The following MFAP3 variants were observed in gnomAD, a reference collection of about 807,000 sequenced individuals.
The protein encoded by MFAP3 is microfibril-associated glycoprotein 3.
MFAP3 carries 8 observed loss-of-function variants against 20.5 expected under a neutral mutation model. That is an observed-to-expected ratio of 0.39 (90% CI 0.23 to 0.70). The LOEUF (loss-of-function observed/expected upper bound fraction) is 0.70, where lower values mean the gene tolerates loss of function less well. Among genes scored for constraint, MFAP3 ranks in the 30% least tolerant of loss-of-function variants. The pLI, the probability that MFAP3 is intolerant of heterozygous loss-of-function variation, is 0.44. For missense variants in MFAP3, 398 were observed against 444.6 expected, an observed-to-expected ratio of 0.90 and a Z score of 0.94; for synonymous variants, 140 against 154.0, an observed-to-expected ratio of 0.91 and a Z score of 0.67.
rs1773244215 is a variant in MFAP3 at position 154,053,280 on chromosome 5, A to G, written c.656A>G (p.Lys219Arg). 6.2e-7 allele frequency: 1 copy of G among 1,613,918 alleles called. No individual in the cohort carries two copies. Among genetic ancestry groups the G allele is most frequent in the Admixed American group, 1.7e-5 (1 of 59,972 alleles). Reference protein sequence around the residue: ...ITSAKTLELAKVTQFKTMEFA... With the variant: ...ITSAKTLELARVTQFKTMEFA... ...TCAGCCAAAACTCTGGAGCTCGCCA[A>G]AGTCACACAATTTAAGACCATGGAG... Residue 219 changes from lysine (K) to arginine (R), a missense_variant, in exon 3 of 3, where the codon AAA (lysine) becomes AGA (arginine). By Grantham distance (26) the Lys-to-Arg change is conservative. Coordinates refer to ENST00000522782, the MANE Select transcript of MFAP3 (RefSeq NM_005927.5).
At position 154,053,979 on chromosome 5, in the gene MFAP3, G is replaced by A. The variant is rs902666106; in HGVS notation, c.*266G>A. ...CCCCAGATAAACATGATGGGGAAAA[G>A]CACTGAACTAAGAGTCCCATGGTTT... On this transcript the variant is annotated 3_prime_UTR_variant, in exon 3 of 3. Transcript: ENST00000522782. The A allele has an allele frequency of 3.9e-5, 15 of 384,944 alleles. No individual in the cohort carries two copies. The highest frequency in any genetic ancestry group is 1.3e-4 in the Admixed American group (3 of 23,556). 23.8% of individuals were successfully genotyped at this position (384,944 alleles called of 1,614,324 possible).
chr5:154,050,532 T>C (rs1773163419), intron 2 of MFAP3, among the ~76,000 whole-genome samples: 1 of 151,470 alleles, frequency 6.6e-6, no homozygotes, highest in Admixed American at 6.6e-5. Flanking sequence ...AAAATGAGTA[T>C]CAATCTGTGC....
At chr5:154,040,439 A>G (rs1237657607) in intron 1 of MFAP3, among the ~76,000 whole-genome samples, 4 of 152,244 alleles carry the variant, frequency 2.6e-5, no homozygotes, top group Non-Finnish European at 5.9e-5. Flanking sequence ...ATTCTCTTAC[A>G]ATATCAATCA....
intron 2 of MFAP3, 25 bp downstream of exon 2, chr5:154,050,042 C>G: frequency 1.9e-6 from 3 of 1,553,088 alleles, no homozygotes; most frequent in Non-Finnish European, 2.6e-6. Context: ...TATAATTAAT[C>G]AAGGTTACTC....
chr5:154,050,766 G>A (rs1259734253), intron 2 of MFAP3, among the ~76,000 whole-genome samples: 1 of 151,642 alleles, frequency 6.6e-6, no homozygotes, highest in East Asian at 1.9e-4. Flanking sequence ...TCCTATTCAT[G>A]GATCTGTGAA....
chr5:154,052,306 TAAC>T (rs970912870), intron 2 of MFAP3, among the ~76,000 whole-genome samples: 5 of 151,952 alleles, frequency 3.3e-5, no homozygotes, highest in Admixed American at 6.6e-5. Context: ...AAAAGTTTCT[TAAC>T]AACAACAACA....
rs539395781 is a variant in MFAP3, at chr5:154,057,306, A to G, written c.*3593A>G. 3.3e-5 allele frequency among the ~76,000 whole-genome samples: 5 copies of G among 152,372 alleles called. No individual in the cohort carries two copies. The highest frequency in any genetic ancestry group is 4.8e-5 in the African/African-American group (2 of 41,592). ...TCACTAACGCATTTCACAAAAGTAA[A>G]TAAGTATTTCATATAATTCAGAGGA... On this transcript the variant is annotated 3_prime_UTR_variant, in exon 3 of 3. Transcript: ENST00000522782.
In MFAP3 at chr5:154,054,053, G is replaced by A; in HGVS notation, c.*340G>A. 1 of 212,412 alleles carries A rather than the reference G, an allele frequency of 4.7e-6. No homozygotes were observed. The highest frequency in any genetic ancestry group is 1.2e-4 in the South Asian group (1 of 8,404). The allele number at this position is 212,412 out of a possible 1,614,324, so 13.2% of individuals were successfully genotyped here. Reference sequence around the variant, plus strand: ...TTGGTTGGATCTGATACTTATCTTGGGACTTCAGTTTTTCCGTCAATAAGA... The same window carrying A: ...TTGGTTGGATCTGATACTTATCTTGAGACTTCAGTTTTTCCGTCAATAAGA... On this transcript the variant is annotated 3_prime_UTR_variant, in exon 3 of 3. Coordinates refer to ENST00000522782, the MANE Select transcript of MFAP3 (RefSeq NM_005927.5).
Position 154,053,327 on chromosome 5 carries a change from C to G in MFAP3, c.703C>G (p.Leu235Val). The G allele has an allele frequency of 1.9e-6, 3 of 1,614,062 alleles. No homozygotes were observed. The highest frequency in any genetic ancestry group is 2.5e-6 in the Non-Finnish European group (3 of 1,179,958). ...TMEFARYIEE[L>V]ARSVPLPPLI... is the part of the protein sequence containing the mutation. Reference sequence around the variant, plus strand: ...GGAGTTTGCTCGTTATATTGAAGAACTGGCAAGAAGTGTCCCTCTTCCACC... The same window carrying G: ...GGAGTTTGCTCGTTATATTGAAGAAGTGGCAAGAAGTGTCCCTCTTCCACC... Residue 235 changes from leucine (L) to valine (V), a missense_variant, in exon 3 of 3, where the codon CTG becomes GTG. By Grantham distance (32) the Leu-to-Val change is conservative. Coordinates refer to ENST00000522782, the MANE Select transcript of MFAP3 (RefSeq NM_005927.5).
At position 154,055,946 on chromosome 5, in the gene MFAP3, CT is replaced by C. The variant is rs1157231544; in HGVS notation, c.*2234del. Reference sequence around the variant, plus strand: ...AATCCCTTGTCTGGGGGTCAGTCCTCTAAACATCCCTCAGATTTCAGATAGT... The same window carrying C: ...AATCCCTTGTCTGGGGGTCAGTCCTCAAACATCCCTCAGATTTCAGATAGT... On this transcript the variant is annotated 3_prime_UTR_variant, in exon 3 of 3. Coordinates refer to ENST00000522782, the MANE Select transcript of MFAP3 (RefSeq NM_005927.5). Among the ~76,000 whole-genome samples the C allele has an allele frequency of 6.6e-6, 1 of 152,168 alleles. No homozygotes were observed. The highest frequency in any genetic ancestry group is 2.4e-5 in the African/African-American group (1 of 41,440).
chr5:154,041,542 A>T (rs1174485044), intron 1 of MFAP3, among the ~76,000 whole-genome samples: 2 of 152,210 alleles, frequency 1.3e-5, no homozygotes, highest in African/African-American at 2.4e-5. Context: ...ACATAGAGGC[A>T]CCTCTGGGCT....
chr5:154,039,983 C>CA (rs1339793764), intron 1 of MFAP3, among the ~76,000 whole-genome samples: 2 of 151,934 alleles, frequency 1.3e-5, no homozygotes, highest in Non-Finnish European at 2.9e-5. Flanking sequence ...GTTAAAATTC[C>CA]AAAAAACAAC....
intron 2 of MFAP3, among the ~76,000 whole-genome samples, chr5:154,050,421 A>C (rs557745363): frequency 6.6e-6 from 1 of 152,248 alleles, no homozygotes; most frequent in South Asian, 2.1e-4. Flanking sequence ...GAATACATCC[A>C]GAAGGTTTTT....
chr5:154,050,006 G>A lies in MFAP3; in HGVS notation c.284G>A (p.Gly95Asp), dbSNP rs1380754146. 8.1e-6 allele frequency: 13 copies of A among 1,603,772 alleles called. No homozygotes were observed. The highest frequency in any genetic ancestry group is 1.0e-5 in the Non-Finnish European group (12 of 1,171,980). Residue 95 changes from glycine (G) to aspartate (D), a missense_variant, in exon 2 of 3, where the codon GGC becomes GAC. By Grantham distance (94) the Gly-to-Asp change is moderately conservative. Coordinates refer to ENST00000522782, the MANE Select transcript of MFAP3 (RefSeq NM_005927.5). ...AATTCAAAAGGACAGCAACTGGATG[G>A]CAGAAGCAGAGGTAATTGGTCAGGG... Reference protein sequence around the residue: ...WHNSKGQQLDGRSRGGKWLVS... With the variant: ...WHNSKGQQLDDRSRGGKWLVS...
chr5:154,045,602 T>C (rs1237864604), intron 1 of MFAP3, among the ~76,000 whole-genome samples: 1 of 152,210 alleles, frequency 6.6e-6, no homozygotes, highest in African/African-American at 2.4e-5. Flanking sequence ...ATTCAGTGAT[T>C]ACCATTGCCA....
At chr5:154,048,935 A>T (rs1773120588) in intron 1 of MFAP3, among the ~76,000 whole-genome samples, 1 of 152,180 alleles carries the variant, frequency 6.6e-6, no homozygotes, top group Non-Finnish European at 1.5e-5. Flanking sequence ...AGGAGGTTCC[A>T]TAGCTTTAGA....
Position 154,053,484 on chromosome 5 carries a change from A to G in MFAP3, c.860A>G (p.Asn287Ser). Residue 287 changes from asparagine (N) to serine (S), a missense_variant, in exon 3 of 3, where the codon AAC (asparagine) becomes AGC (serine). Physicochemically the swap from Asn to Ser is conservative, Grantham distance 46. Coordinates refer to ENST00000522782, the MANE Select transcript of MFAP3 (RefSeq NM_005927.5). ...GCTCAAGGTGGCATCTATGTCATTA[A>G]CCCAGAGATGGGACGGAGTAATTCA... ...LNAQGGIYVI[N>S]PEMGRSNSPG... 6.2e-7 allele frequency: 1 copy of G among 1,613,796 alleles called. No individual in the cohort carries two copies. The highest frequency in any genetic ancestry group is 8.5e-7 in the Non-Finnish European group (1 of 1,179,900).
At chr5:154,046,859 G>A (rs891424976) in intron 1 of MFAP3, among the ~76,000 whole-genome samples, 1 of 152,096 alleles carries the variant, frequency 6.6e-6, no homozygotes, top group African/African-American at 2.4e-5. Flanking sequence ...ATCTGCCCAC[G>A]TTTGAGCCTC....
intron 1 of MFAP3, among the ~76,000 whole-genome samples, chr5:154,048,782 G>A (rs1456980009): frequency 2.0e-5 from 3 of 152,168 alleles, no homozygotes; most frequent in African/African-American, 7.2e-5. Context: ...CACTTAAGAT[G>A]TCAGTTCCTC....
Sources: gnomAD v4.1 joint callset for allele counts (sites outside exome capture counted in the v4.1 genomes callset) on GRCh38, gnomAD v4.1.1 for gene constraint, MANE v1.5 for transcripts, NCBI Gene and HGNC (gene_info 2026-07-23, HGNC 2026-07-21) for gene names.